SSBP2: variants seen among roughly 807,000 people sequenced by gnomAD.
SSBP2 encodes the protein single-stranded DNA-binding protein 2.
A neutral mutation model predicts 61.8 loss-of-function variants in SSBP2; 17 were observed. That is an observed-to-expected ratio of 0.28 (90% CI 0.19 to 0.41). The LOEUF (loss-of-function observed/expected upper bound fraction) is 0.41, where lower values mean the gene tolerates loss of function less well. Ranked by LOEUF, SSBP2 falls within the 10% of genes least tolerant of loss-of-function variation. SSBP2 has a pLI of 1.00. For missense variants in SSBP2, 310 were observed against 458.7 expected (o/e 0.68, Z 2.96); for synonymous variants, 139 against 141.3 (o/e 0.98, Z 0.12).
At chr5:81,615,240 A>C (rs1745892984) in intron 4 of SSBP2, 1 of 371,250 alleles carries the variant, frequency 2.7e-6, no homozygotes, top group Admixed American at 4.3e-5. Context: ...AAAGATAAGA[A>C]ATTTCTTTAA....
At chr5:81,541,131 G>A (rs1376185081) in intron 4 of SSBP2, among the ~76,000 whole-genome samples, 1 of 152,016 alleles carries the variant, frequency 6.6e-6, no homozygotes, top group Non-Finnish European at 1.5e-5. Context: ...TCATGTTCAA[G>A]CTGAGAGCCA....
chr5:81,446,434 T>C (rs1275577856), intron 12 of SSBP2, among the ~76,000 whole-genome samples: 1 of 151,010 alleles, frequency 6.6e-6, no homozygotes, highest in Non-Finnish European at 1.5e-5. Flanking sequence ...GGGTAAATAA[T>C]ACTGTAAGTA....
At chr5:81,624,047 T>C (rs1268678778) in intron 3 of SSBP2, among the ~76,000 whole-genome samples, 1 of 152,206 alleles carries the variant, frequency 6.6e-6, no homozygotes, top group African/African-American at 2.4e-5. Flanking sequence ...GACAAGTGTG[T>C]ATTATTTTCC....
intron 4 of SSBP2, among the ~76,000 whole-genome samples, chr5:81,609,783 G>T (rs1745261704): frequency 6.6e-6 from 1 of 152,040 alleles, no homozygotes; most frequent in Admixed American, 6.6e-5. Flanking sequence ...TCCCTAATTG[G>T]TTTTTTACAC....
chr5:81,615,634 A>G (rs1745935251), intron 3 of SSBP2, 77 bp from the exon 4 acceptor site: 1 of 980,020 alleles, frequency 1.0e-6, no homozygotes, highest in African/African-American at 1.6e-5. Context: ...AAAGTAGAAG[A>G]CATGTTTTTC....
chr5:81,568,566 T>C (rs1773610936), intron 4 of SSBP2, among the ~76,000 whole-genome samples: 1 of 152,198 alleles, frequency 6.6e-6, no homozygotes, highest in South Asian at 2.1e-4. Flanking sequence ...TAAGACAACT[T>C]TACTCTGTCC....
At chr5:81,428,555 T>C in intron 16 of SSBP2, 30 bp downstream of exon 16, 1 of 1,542,320 alleles carries the variant, frequency 6.5e-7, no homozygotes, top group Non-Finnish European at 8.9e-7. Flanking sequence ...AAATAAAATT[T>C]GAGTATAATA....
rs1316356752 is a variant in SSBP2 at position 81,417,744 on chromosome 5, A to C, written c.*2760T>G. On this transcript the variant is annotated 3_prime_UTR_variant, in exon 17 of 17. Coordinates refer to ENST00000320672, the MANE Select transcript of SSBP2 (RefSeq NM_012446.5). The stretch of plus-strand genomic sequence containing the variant: ...GGATATAAAAATCAAGTATCCTTAC[A>C]TTCTGGGTTTCTTGGATACAATTTT... 6.6e-6 allele frequency: 1 copy of C among 152,226 alleles called. No homozygotes were observed. Among genetic ancestry groups the C allele is most frequent in the Non-Finnish European group, 1.5e-5 (1 of 68,030 alleles). 9.4% of individuals were successfully genotyped at this position (152,226 alleles called of 1,614,324 possible).
chr5:81,455,151 A>G (rs1764045047), intron 10 of SSBP2, among the ~76,000 whole-genome samples: 1 of 148,322 alleles, frequency 6.7e-6, no homozygotes, highest in Non-Finnish European at 1.5e-5. Flanking sequence ...CAAATATTTC[A>G]AATTTAACGT....
chr5:81,646,926 A>G (rs1220937057), intron 2 of SSBP2, among the ~76,000 whole-genome samples: 1 of 151,882 alleles, frequency 6.6e-6, no homozygotes, highest in African/African-American at 2.4e-5. Flanking sequence ...AGCCCAGATG[A>G]CAGAAGCCCC....
intron 1 of SSBP2, among the ~76,000 whole-genome samples, chr5:81,733,945 G>C (rs1286513781): frequency 6.6e-6 from 1 of 152,040 alleles, no homozygotes; most frequent in Non-Finnish European, 1.5e-5. Context: ...AATTTTCAAA[G>C]TATCATCAGC....
At chr5:81,690,788 GATCA>G (rs1438761208) in intron 1 of SSBP2, among the ~76,000 whole-genome samples, 2 of 151,918 alleles carry the variant, frequency 1.3e-5, no homozygotes, top group Non-Finnish European at 2.9e-5. Flanking sequence ...TCCCCACATG[GATCA>G]TTCAAAACAG....
chr5:81,538,892 T>C (rs1027084019), intron 4 of SSBP2, among the ~76,000 whole-genome samples: 6 of 152,204 alleles, frequency 3.9e-5, no homozygotes, highest in Non-Finnish European at 8.8e-5. Flanking sequence ...AGAGCTCTGA[T>C]GAAGATATAC....
At chr5:81,466,749 GA>G (rs1764916530) in intron 9 of SSBP2, among the ~76,000 whole-genome samples, 1 of 151,900 alleles carries the variant, frequency 6.6e-6, no homozygotes, top group South Asian at 2.1e-4. Flanking sequence ...AGGGAACAAA[GA>G]AAACATAAGA....
At chr5:81,643,176 C>T (rs1329118382) in intron 2 of SSBP2, among the ~76,000 whole-genome samples, 2 of 152,092 alleles carry the variant, frequency 1.3e-5, no homozygotes, top group Admixed American at 1.3e-4. Context: ...CGGGATAGCA[C>T]GATTCTGGAT....
chr5:81,729,146 TATA>T (rs1231906663), intron 1 of SSBP2, among the ~76,000 whole-genome samples: 1 of 152,096 alleles, frequency 6.6e-6, no homozygotes, highest in Non-Finnish European at 1.5e-5. Context: ...AAATAAAAAT[TATA>T]ATGTTAATGG....
At chr5:81,501,268 T>TATATATAC (rs1205403428) in intron 5 of SSBP2, among the ~76,000 whole-genome samples, 7 of 35,770 alleles carry the variant, frequency 2.0e-4, no homozygotes, top group Admixed American at 3.4e-4. Flanking sequence ...TATATATATA[T>TATATATAC]ACACACACAC....
rs543497205 is a variant in SSBP2, at chr5:81,467,625, T to A, written c.571-584A>T. On this transcript the variant is annotated intron_variant, in intron 8 of 16. Transcript: ENST00000320672. ...ATGACTCAATCAGCTTCTGTTAATA[T>A]CTATCATGTGCATTCAAAGGATAAA... is the stretch of plus-strand genomic sequence containing the variant. Among the ~76,000 whole-genome samples, 10 of 152,132 alleles carry A rather than the reference T, an allele frequency of 6.6e-5. 1 individual carries two copies. Among genetic ancestry groups the A allele is most frequent in the African/African-American group, 2.2e-4 (9 of 41,568 alleles).
At chr5:81,603,933 A>G (rs1211330491) in intron 4 of SSBP2, among the ~76,000 whole-genome samples, 1 of 152,172 alleles carries the variant, frequency 6.6e-6, no homozygotes, top group African/African-American at 2.4e-5. Context: ...ACAAAATTTG[A>G]GCCTAATAAG....
Sources: allele counts gnomAD v4.1 joint callset (sites outside exome capture counted in the v4.1 genomes callset), GRCh38; gene constraint gnomAD v4.1.1; transcripts MANE v1.5; gene names NCBI Gene and HGNC (gene_info 2026-07-23, HGNC 2026-07-21).